Variants in SYN3 observed in about 807,000 individuals in gnomAD.
SYN3 encodes the protein synapsin-3.
SYN3 carries 35 observed loss-of-function variants against 65.8 expected under a neutral mutation model. The observed-to-expected ratio is 0.53, with a 90% CI of 0.41 to 0.70. The LOEUF is 0.70. Among genes scored for constraint, SYN3 ranks in the 30% least tolerant of loss-of-function variants. The pLI, the probability that SYN3 is intolerant of heterozygous loss-of-function variation, is 0.00. For missense variants in SYN3, 680 were observed against 749.0 expected, an observed-to-expected ratio of 0.91 and a Z score of 1.08; for synonymous variants, 270 against 292.9, an observed-to-expected ratio of 0.92 and a Z score of 0.80.
intron 1 of SYN3, among the ~76,000 whole-genome samples, chr22:33,052,257 A>C (rs1351445692): frequency 1.3e-5 from 2 of 152,180 alleles, no homozygotes; most frequent in Admixed American, 6.5e-5. Context: ...CAGGTTGAAC[A>C]ATGCTCAGAA....
chr22:33,004,632 G>A (rs984279260), intron 2 of SYN3, among the ~76,000 whole-genome samples: 7 of 152,222 alleles, frequency 4.6e-5, no homozygotes, highest in African/African-American at 1.4e-4. Flanking sequence ...TTTGGAATGC[G>A]TGTATTTACC....
chr22:32,671,578 T>G (rs1303663471), intron 6 of SYN3, among the ~76,000 whole-genome samples: 14 of 99,236 alleles, frequency 1.4e-4, no homozygotes, highest in African/African-American at 4.2e-4. Flanking sequence ...CTCAAACAAG[T>G]GCACACACAC....
chr22:32,833,164 C>T lies in SYN3; in HGVS notation c.711+31751G>A, dbSNP rs185511094. 7.2e-5 allele frequency among the ~76,000 whole-genome samples: 11 copies of T among 152,234 alleles called. No individual in the cohort carries two copies. The East Asian group carries it at 7.7e-4, about 11-fold the overall frequency. On this transcript the variant is annotated intron_variant, in intron 6 of 13. Transcript: ENST00000358763. ...TGAACTCTCAACCTTGTATACTGAT[C>T]GGTGGCTCCTGGGAAATTTGCATTT...
chr22:32,775,048 G>A (rs2045876184), intron 6 of SYN3, among the ~76,000 whole-genome samples: 1 of 152,134 alleles, frequency 6.6e-6, no homozygotes, highest in Admixed American at 6.5e-5. Context: ...CATAAACTTA[G>A]CAGCAGATTT....
intron 6 of SYN3, among the ~76,000 whole-genome samples, chr22:32,807,330 ATT>A (rs2046771101): frequency 2.9e-5 from 2 of 68,710 alleles, no homozygotes; most frequent in Non-Finnish European, 5.2e-5. Flanking sequence ...TAAATATATA[ATT>A]TATATATAAT....
chr22:32,953,041 G>A (rs568083263), intron 3 of SYN3, among the ~76,000 whole-genome samples: 1 of 152,332 alleles, frequency 6.6e-6, no homozygotes, highest in East Asian at 1.9e-4. Flanking sequence ...AATGTGTAAT[G>A]AATGTTAGCT....
chr22:32,538,252 T>A, intron 8 of SYN3, 142 bp from the exon 9 acceptor site: 1 of 657,984 alleles, frequency 1.5e-6, no homozygotes, highest in South Asian at 1.9e-5. Context: ...ACACACCTTG[T>A]CTTCAACTAT....
At chr22:32,957,261 A>T (rs1028693266) in intron 3 of SYN3, among the ~76,000 whole-genome samples, 1 of 152,214 alleles carries the variant, frequency 6.6e-6, no homozygotes, top group Non-Finnish European at 1.5e-5. Context: ...AAACGCAAAC[A>T]TGGGTAAATG....
intron 6 of SYN3, among the ~76,000 whole-genome samples, chr22:32,605,187 T>G (rs2059355129): frequency 6.6e-6 from 1 of 151,780 alleles, no homozygotes; most frequent in African/African-American, 2.4e-5. Context: ...TTAGACGAAG[T>G]CTCCCACAAC....
chr22:32,798,002 A>AT (rs2046470162), intron 6 of SYN3, among the ~76,000 whole-genome samples: 2 of 152,168 alleles, frequency 1.3e-5, no homozygotes, highest in African/African-American at 4.8e-5. Context: ...AGGTCTTTTG[A>AT]TTTTTTGTTT....
chr22:32,527,426 C>G (rs2710360), intron 12 of SYN3, among the ~76,000 whole-genome samples: 2,627 of 152,124 alleles, frequency 0.017, 60 homozygotes, highest in African/African-American at 0.06. Context: ...ATGGTGAAAC[C>G]CCATCTCTAC....
At chr22:32,712,827 G>A (rs1166182641) in intron 6 of SYN3, among the ~76,000 whole-genome samples, 2 of 152,020 alleles carry the variant, frequency 1.3e-5, no homozygotes, top group Non-Finnish European at 2.9e-5. Context: ...CCTCTGCCTG[G>A]AATGTGCGAA....
intron 3 of SYN3, among the ~76,000 whole-genome samples, chr22:32,948,327 C>T (rs969493074): frequency 1.3e-5 from 2 of 152,138 alleles, no homozygotes; most frequent in African/African-American, 4.8e-5. Context: ...CTAGGAAACA[C>T]TAAGGGTTGC....
At chr22:32,765,136 G>A (rs1327644910) in intron 6 of SYN3, among the ~76,000 whole-genome samples, 2 of 152,088 alleles carry the variant, frequency 1.3e-5, no homozygotes, top group Non-Finnish European at 1.5e-5. Context: ...GTGTGTGAGT[G>A]TGGACTGTGT....
rs1894450 is a variant in SYN3, at chr22:32,511,734, G to C, written c.*1958C>G. On this transcript the variant is annotated 3_prime_UTR_variant, in exon 14 of 14. Coordinates refer to ENST00000358763, the MANE Select transcript of SYN3 (RefSeq NM_003490.4). ...TCAGGCCTGAGCCTACCAGTCTCCAGCTGCCAAATTATGGCTCCCAATAGT... is the reference window on the plus strand; with the variant it reads ...TCAGGCCTGAGCCTACCAGTCTCCACCTGCCAAATTATGGCTCCCAATAGT... Among the ~76,000 whole-genome samples the C allele has an allele frequency of 0.5, 75,413 of 152,154 alleles. 23,106 individuals are homozygous for C. Among genetic ancestry groups the C allele is most frequent in the East Asian group, 0.9 (4,647 of 5,172 alleles).
At chr22:32,701,589 TA>T (rs1309894030) in intron 6 of SYN3, among the ~76,000 whole-genome samples, 5 of 152,142 alleles carry the variant, frequency 3.3e-5, no homozygotes, top group Admixed American at 2.0e-4. Flanking sequence ...GTTAAAGATG[TA>T]AAAGGATGCT....
chr22:32,594,780 G>A (rs545556277), intron 7 of SYN3, among the ~76,000 whole-genome samples: 2 of 152,022 alleles, frequency 1.3e-5, no homozygotes, highest in Admixed American at 1.3e-4. Flanking sequence ...GAGCCACCAC[G>A]CCCAGCTGAC....
In SYN3 at chr22:32,518,056, G is replaced by T. The variant is rs752654033; in HGVS notation, c.1597C>A (p.His533Asn). ...CAAAGCACTTACTTGAGATGCGGAT[G>T]GGGTGGTGCTGGCTTCTTGGACTCT... is the stretch of plus-strand genomic sequence containing the variant. ...GEESKKPAPPHPHLNKSQSLT... is the reference protein window; with the variant it reads ...GEESKKPAPPNPHLNKSQSLT... The change falls in exon 13 of 14, where the codon CAT becomes AAT. Residue 533 changes from histidine (H) to asparagine (N), a missense_variant. Physicochemically the swap from His to Asn is moderately conservative, Grantham distance 68 (BLOSUM62 1). Coordinates refer to ENST00000358763, the MANE Select transcript of SYN3 (RefSeq NM_003490.4). 3 of 1,521,464 alleles carry T rather than the reference G, an allele frequency of 2.0e-6. No individual in the cohort carries two copies. The highest frequency in any genetic ancestry group is 1.3e-5 in the South Asian group (1 of 74,648). 94.2% of individuals were successfully genotyped at this position (1,521,464 alleles called of 1,614,324 possible).
intron 6 of SYN3, among the ~76,000 whole-genome samples, chr22:32,598,488 A>AAATAATATT (rs1483655231): frequency 8.5e-5 from 12 of 141,694 alleles, no homozygotes; most frequent in Admixed American, 5.5e-4. Flanking sequence ...AGTAGACTTT[A>AAATAATATT]AATAATATTT....
Sources: allele counts gnomAD v4.1 joint callset (sites outside exome capture counted in the v4.1 genomes callset), GRCh38; gene constraint gnomAD v4.1.1; transcripts MANE v1.5; gene names NCBI Gene and HGNC (gene_info 2026-07-23, HGNC 2026-07-21).